Variants in COL5A1 observed in about 807,000 individuals in gnomAD.
COL5A1 encodes the protein collagen alpha-1(V) chain.
In COL5A1, 16 loss-of-function variants were observed where a neutral mutation model predicts 263.7. That is an observed-to-expected ratio of 0.06 (90% CI 0.04 to 0.09). COL5A1 has a LOEUF of 0.09. Ranked by LOEUF, COL5A1 falls within the 10% of genes least tolerant of loss-of-function variation. COL5A1 has a pLI of 1.00. For missense variants in COL5A1, 2,036 were observed against 2,540.5 expected (o/e 0.80, Z 4.27); for synonymous variants, 1,012 against 1,004.5 (o/e 1.01, Z -0.14).
At chr9:134,688,270 A>G (rs920730871) in intron 1 of COL5A1, among the ~76,000 whole-genome samples, 7 of 152,210 alleles carry the variant, frequency 4.6e-5, no homozygotes, top group African/African-American at 7.2e-5. Context: ...TGGGAAGAGC[A>G]TCACGGGCTT....
At chr9:134,759,405 CCACA>C (rs139498218) in intron 18 of COL5A1, among the ~76,000 whole-genome samples, 2 of 116,634 alleles carry the variant, frequency 1.7e-5, no homozygotes, top group South Asian at 2.8e-4. Context: ...GCATACACAC[CCACA>C]CACACCCACA....
intron 1 of COL5A1, among the ~76,000 whole-genome samples, chr9:134,672,279 A>G (rs1170903918): frequency 2.6e-5 from 4 of 152,250 alleles, no homozygotes; most frequent in Admixed American, 6.5e-5. Flanking sequence ...CAAAAAGTAT[A>G]AAAAAGAAGA....
chr9:134,763,781 G>A (rs1046050131), intron 20 of COL5A1, 44 bp downstream of exon 20: 6 of 1,581,642 alleles, frequency 3.8e-6, no homozygotes, highest in Non-Finnish European at 5.2e-6. Context: ...TCAGTGTGGA[G>A]AAAGGCTTTG....
intron 29 of COL5A1, among the ~76,000 whole-genome samples, chr9:134,784,772 G>A (rs542135680): frequency 2.0e-4 from 30 of 152,368 alleles, no homozygotes; most frequent in South Asian, 2.1e-4. Flanking sequence ...ACCAGCTTCC[G>A]CAGAGCCCGG....
intron 9 of COL5A1, among the ~76,000 whole-genome samples, chr9:134,736,418 G>A (rs1835099604): frequency 6.6e-6 from 1 of 152,156 alleles, no homozygotes; most frequent in Non-Finnish European, 1.5e-5. Context: ...CTGTCATCAA[G>A]AGCCCACTCC....
intron 1 of COL5A1, among the ~76,000 whole-genome samples, chr9:134,650,510 T>G (rs906939816): frequency 1.3e-5 from 2 of 152,258 alleles, no homozygotes; most frequent in Non-Finnish European, 2.9e-5. Flanking sequence ...GAGCCGTCTG[T>G]GCCCTACTGG....
chr9:134,804,418 A>G (rs977557502), intron 39 of COL5A1, among the ~76,000 whole-genome samples: 5 of 152,216 alleles, frequency 3.3e-5, no homozygotes, highest in African/African-American at 1.2e-4. Context: ...TCCTTAAGTG[A>G]TAAGTCCATT....
At chr9:134,797,089 G>A (rs1026916722) in intron 36 of COL5A1, among the ~76,000 whole-genome samples, 188 bp downstream of exon 36, 9 of 152,256 alleles carry the variant, frequency 5.9e-5, no homozygotes, top group East Asian at 1.9e-4. Context: ...CCGCCAAGGC[G>A]GCTGTGGGGC....
At chr9:134,709,281 T>G (rs1588458283) in intron 4 of COL5A1, 3 of 272,864 alleles carry the variant, frequency 1.1e-5, no homozygotes, top group South Asian at 3.1e-5. Flanking sequence ...GGCTTCGGGG[T>G]GGGCTGCTGA....
chr9:134,700,157 T>C lies in COL5A1; in HGVS notation c.491+35T>C, dbSNP rs993395225. On this transcript the variant is annotated intron_variant, in intron 3 of 65. Transcript: ENST00000371817. This position sits in a 1 kb window ranked among gnomAD's most constrained non-coding sequence, Gnocchi z 4.0. ...CACTTCTGGGCAACTGTCCCCCTGCTGGAGGGGGGATCAGGCCAGCTCATA... is the reference window on the plus strand; with the variant it reads ...CACTTCTGGGCAACTGTCCCCCTGCCGGAGGGGGGATCAGGCCAGCTCATA... 1.9e-6 allele frequency: 3 copies of C among 1,573,298 alleles called. No individual in the cohort carries two copies. The highest frequency in any genetic ancestry group is 2.7e-5 in the African/African-American group (2 of 74,348).
Position 134,647,546 on chromosome 9 carries a change from C to A in COL5A1, c.109+5250C>A, listed in dbSNP as rs1289881297. Among the ~76,000 whole-genome samples the A allele has an allele frequency of 1.3e-5, 2 of 152,190 alleles. No homozygotes were observed. Among genetic ancestry groups the A allele is most frequent in the Non-Finnish European group, 2.9e-5 (2 of 68,042 alleles). On this transcript the variant is annotated intron_variant, in intron 1 of 65. Transcript: ENST00000371817. The surrounding 1 kb of genome is among the most constrained non-coding windows in gnomAD (Gnocchi z 5.0). Reference sequence around the variant, plus strand: ...TCACATGGGTGTCCCTGGCTGACTCCACGTGCAGGGCCTGGTGTGTTTGAG... The same window carrying A: ...TCACATGGGTGTCCCTGGCTGACTCAACGTGCAGGGCCTGGTGTGTTTGAG...
chr9:134,818,812 G>A lies in COL5A1; in HGVS notation c.4339-36G>A. 4 of 1,612,836 alleles carry A rather than the reference G, an allele frequency of 2.5e-6. No individual in the cohort carries two copies. The highest frequency in any genetic ancestry group is 3.4e-6 in the Non-Finnish European group (4 of 1,179,654). ...GGGGTTGCCGAGTGGAGGGACGGGG[G>A]ACCAGCAACTCATGCAGAGCGTCTC... is the stretch of plus-strand genomic sequence containing the variant. On this transcript the variant is annotated intron_variant, in intron 55 of 65. Transcript: ENST00000371817. The surrounding 1 kb of genome is among the most constrained non-coding windows in gnomAD (Gnocchi z 6.0).
At chr9:134,723,134 C>G (rs984270407) in intron 4 of COL5A1, among the ~76,000 whole-genome samples, 1 of 152,196 alleles carries the variant, frequency 6.6e-6, no homozygotes, top group Non-Finnish European at 1.5e-5. Context: ...CCAGTGCCCT[C>G]CTCAGCCCAG....
chr9:134,698,494 CAGG>C (rs1833562373), intron 2 of COL5A1, among the ~76,000 whole-genome samples: 1 of 152,240 alleles, frequency 6.6e-6, no homozygotes, highest in Admixed American at 6.5e-5. Context: ...TGCAGAACCT[CAGG>C]AGATCTCCCT....
chr9:134,773,652 G>T (rs1836946222), intron 26 of COL5A1, among the ~76,000 whole-genome samples: 1 of 152,226 alleles, frequency 6.6e-6, no homozygotes, highest in African/African-American at 2.4e-5. Flanking sequence ...CAGGCAAGAT[G>T]GGGTCTGGGG....
At position 134,716,421 on chromosome 9, in the gene COL5A1, C is replaced by T. The variant is rs144573644; in HGVS notation, c.655-10845C>T. Among the ~76,000 whole-genome samples, 1,068 of 152,056 alleles carry T rather than the reference C, an allele frequency of 7.0e-3. 11 individuals carry two copies. The highest frequency in any genetic ancestry group is 0.024 in the African/African-American group (996 of 41,396). ...CTGTGCTCAGCGATGCCCCGTGTGC[C>T]ATAAAACAGTGTCTGCAGGCCCGCT... On this transcript the variant is annotated intron_variant, in intron 4 of 65. Transcript: ENST00000371817. The surrounding 1 kb of genome is among the most constrained non-coding windows in gnomAD (Gnocchi z 4.5).
At chr9:134,767,206 C>A in intron 23 of COL5A1, 104 bp from the exon 24 acceptor site, 1 of 1,457,550 alleles carries the variant, frequency 6.9e-7, no homozygotes, top group Non-Finnish European at 9.6e-7. Flanking sequence ...TGGGTTGGTG[C>A]CTGGATGAGG....
chr9:134,679,605 C>T (rs1233990792), intron 1 of COL5A1, among the ~76,000 whole-genome samples: 3 of 35,754 alleles, frequency 8.4e-5, no homozygotes, highest in Admixed American at 8.4e-4. Flanking sequence ...TTGGGCACTG[C>T]GGGGCTGGTT....
intron 25 of COL5A1, among the ~76,000 whole-genome samples, chr9:134,770,686 T>C (rs939900141): frequency 6.6e-5 from 10 of 152,210 alleles, no homozygotes; most frequent in Non-Finnish European, 1.3e-4. Flanking sequence ...ATGATGAACA[T>C]ACGTTACTTT....
Sources: gnomAD v4.1 joint callset for allele counts (sites outside exome capture counted in the v4.1 genomes callset) on GRCh38, gnomAD v4.1.1 for gene constraint, Gnocchi (gnomAD v3.1) non-coding constraint, MANE v1.5 for transcripts, NCBI Gene and HGNC (gene_info 2026-07-23, HGNC 2026-07-21) for gene names.